AGO3: variants seen among roughly 807,000 people sequenced by gnomAD.
The protein encoded by AGO3 is argonaute RISC catalytic component 3, also known as protein argonaute-3.
A neutral mutation model predicts 105.5 loss-of-function variants in AGO3; 16 were observed. The ratio of observed to expected loss-of-function variants is 0.15; its 90% confidence interval spans 0.10 to 0.23. AGO3 has a LOEUF of 0.23. AGO3 is among the 10% of genes least tolerant of loss of function. The probability of loss-of-function intolerance (pLI) is 1.00; values close to 1 mark genes in which losing one functional copy is unlikely to be tolerated. For synonymous variants in AGO3, 340 were observed against 367.3 expected (o/e 0.93, Z 0.85); for missense variants, 534 against 1,088.0 (o/e 0.49, Z 7.16).
At chr1:35,970,856 A>G (rs1449676201) in intron 3 of AGO3, among the ~76,000 whole-genome samples, 1 of 151,206 alleles carries the variant, frequency 6.6e-6, no homozygotes, top group Non-Finnish European at 1.5e-5. Flanking sequence ...CAGCCTCTCA[A>G]GCAGCTAGGA....
chr1:35,999,382 T>G (rs1639983276), intron 5 of AGO3, among the ~76,000 whole-genome samples: 1 of 152,128 alleles, frequency 6.6e-6, no homozygotes, highest in Non-Finnish European at 1.5e-5. Flanking sequence ...CTTGTTTCAT[T>G]GTGCTTTCAT....
chr1:36,005,771 C>T, intron 6 of AGO3: 6 of 985,342 alleles, frequency 6.1e-6, no homozygotes, highest in Non-Finnish European at 7.2e-6. Context: ...AGAGCATGGA[C>T]TCGATCTTAA....
chr1:36,004,164 T>G lies in AGO3; in HGVS notation c.659-177T>G, dbSNP rs111515239. On this transcript the variant is annotated intron_variant, in intron 5 of 18. Transcript: ENST00000373191. Reference sequence around the variant, plus strand: ...TATAAAAACTGTAGTATTTGGCCATTTTGTATTTGTGCCTCAGAGGTCAAA... The same window carrying G: ...TATAAAAACTGTAGTATTTGGCCATGTTGTATTTGTGCCTCAGAGGTCAAA... The G allele has an allele frequency of 4.0e-3, 1,979 of 496,662 alleles. 31 individuals carry two copies. The highest frequency in any genetic ancestry group is 0.033 in the African/African-American group (1,703 of 51,556). 30.8% of individuals were successfully genotyped at this position (496,662 alleles called of 1,614,324 possible).
chr1:35,996,379 C>T (rs193111933), intron 5 of AGO3, among the ~76,000 whole-genome samples: 184 of 149,918 alleles, frequency 1.2e-3, no homozygotes, highest in Admixed American at 2.1e-3. Context: ...ATTTGCAAAA[C>T]GTAACAGAAC....
chr1:36,016,279 T>C (rs1019028000), intron 11 of AGO3, among the ~76,000 whole-genome samples: 1 of 152,192 alleles, frequency 6.6e-6, no homozygotes, highest in African/African-American at 2.4e-5. Context: ...CCTCTCAGGT[T>C]CAAGCGGTTC....
At chr1:36,038,498 G>A (rs903579252) in intron 14 of AGO3, among the ~76,000 whole-genome samples, 18 of 151,984 alleles carry the variant, frequency 1.2e-4, no homozygotes, top group South Asian at 2.1e-4. Context: ...CTTGTGATTC[G>A]CCCACCTCGG....
intron 5 of AGO3, among the ~76,000 whole-genome samples, chr1:36,000,317 C>G (rs1030000878): frequency 1.1e-4 from 16 of 152,026 alleles, no homozygotes; most frequent in African/African-American, 3.9e-4. Flanking sequence ...TGATTTCAAC[C>G]CATTCTTTCT....
At chr1:35,950,873 A>G (rs1345132595) in intron 2 of AGO3, among the ~76,000 whole-genome samples, 1 of 152,252 alleles carries the variant, frequency 6.6e-6, no homozygotes, top group African/African-American at 2.4e-5. Flanking sequence ...ATACAACATG[A>G]TTATAACTGC....
intron 11 of AGO3, among the ~76,000 whole-genome samples, chr1:36,021,179 A>C (rs1268197404): frequency 6.6e-6 from 1 of 152,014 alleles, no homozygotes; most frequent in Non-Finnish European, 1.5e-5. Context: ...TGATCTGCCC[A>C]CCTCAGCCTC....
chr1:36,072,347 T>C lies in AGO3; in HGVS notation c.*16602T>C, dbSNP rs1643176743. 1 of 152,224 alleles carries C rather than the reference T, an allele frequency of 6.6e-6. No homozygotes were observed. The highest frequency in any genetic ancestry group is 2.4e-5 in the African/African-American group (1 of 41,458). 9.4% of individuals were successfully genotyped at this position (152,224 alleles called of 1,614,324 possible). ...TGTTCTGTGACAGAACCACTACTCT[T>C]TTTTCTGCCATTCTGCCTACTGGAG... On this transcript the variant is annotated 3_prime_UTR_variant, in exon 19 of 19. Transcript: ENST00000373191.
At chr1:35,984,954 G>A (rs1647136677) in intron 5 of AGO3, among the ~76,000 whole-genome samples, 1 of 142,710 alleles carries the variant, frequency 7.0e-6, no homozygotes, top group East Asian at 1.9e-4. Context: ...AAAATTTAAT[G>A]AAACACATTG....
intron 8 of AGO3, 55 bp downstream of exon 8, chr1:36,009,099 C>A (rs1481421682): frequency 7.2e-7 from 1 of 1,386,462 alleles, no homozygotes; most frequent in South Asian, 1.6e-5. Flanking sequence ...CTTTTGGGGT[C>A]TTTTATGGCC....
chr1:36,051,738 ACAACT>A (rs753080586), intron 17 of AGO3, among the ~76,000 whole-genome samples: 11 of 152,070 alleles, frequency 7.2e-5, no homozygotes, highest in African/African-American at 2.2e-4. Context: ...AAGAACTCAA[ACAACT>A]CAACAGCAAA....
intron 3 of AGO3, 102 bp downstream of exon 3, chr1:35,967,177 T>TTA: frequency 7.5e-7 from 1 of 1,337,570 alleles, no homozygotes; most frequent in East Asian, 2.6e-5. Flanking sequence ...ATGTGAATAT[T>TTA]TATCACTGAT....
chr1:35,942,111 G>A (rs182448890), intron 1 of AGO3, among the ~76,000 whole-genome samples: 31 of 152,268 alleles, frequency 2.0e-4, no homozygotes, highest in Admixed American at 1.4e-3. Flanking sequence ...CTCAGGCTAG[G>A]ATAGGAAAGA....
At chr1:35,985,031 C>T (rs142048492) in intron 5 of AGO3, among the ~76,000 whole-genome samples, 75 of 152,110 alleles carry the variant, frequency 4.9e-4, no homozygotes, top group African/African-American at 1.8e-3. Context: ...GGTGGGTATG[C>T]CAGTATTTCC....
Position 36,031,450 on chromosome 1 carries a change from A to G in AGO3, c.1592-2724A>G, listed in dbSNP as rs192097331. Among the ~76,000 whole-genome samples the G allele has an allele frequency of 2.7e-5, 4 of 150,434 alleles. No homozygotes were observed. In the Admixed American group the frequency reaches 2.7e-4, roughly 10 times the overall value. On this transcript the variant is annotated intron_variant, in intron 12 of 18. Coordinates refer to ENST00000373191, the MANE Select transcript of AGO3 (RefSeq NM_024852.4). ...TACCAGCAACAAATACCCTGTTTTT[A>G]TTTGTTTGAGAAACTCTTTATTTCT...
chr1:35,999,198 A>T (rs1183605491), intron 5 of AGO3, among the ~76,000 whole-genome samples: 1 of 152,092 alleles, frequency 6.6e-6, no homozygotes, highest in Non-Finnish European at 1.5e-5. Flanking sequence ...CTAAAAATAC[A>T]AAAAAATTAG....
At chr1:36,040,245 C>A in intron 15 of AGO3, 62 bp from the exon 16 acceptor site, 1 of 1,523,566 alleles carries the variant, frequency 6.6e-7, no homozygotes, top group Non-Finnish European at 9.0e-7. Context: ...CATTATCCTA[C>A]TTTGAAGTAT....
Sources: gnomAD v4.1 joint callset for allele counts (sites outside exome capture counted in the v4.1 genomes callset) on GRCh38, gnomAD v4.1.1 for gene constraint, MANE v1.5 for transcripts, NCBI Gene and HGNC (gene_info 2026-07-23, HGNC 2026-07-21) for gene names.